ASIC2: variants seen among roughly 807,000 people sequenced by gnomAD.
The protein encoded by ASIC2 is acid sensing ion channel subunit 2.
In ASIC2, 25 loss-of-function variants were observed where a neutral mutation model predicts 57.3. The observed-to-expected ratio is 0.44, with a 90% CI of 0.32 to 0.61. The LOEUF (loss-of-function observed/expected upper bound fraction) is 0.61. Among genes scored for constraint, ASIC2 ranks in the 20% least tolerant of loss-of-function variants. ASIC2 has a pLI of 0.06. For missense variants in ASIC2, 641 were observed against 738.1 expected, an observed-to-expected ratio of 0.87 and a Z score of 1.52; for synonymous variants, 319 against 307.5, an observed-to-expected ratio of 1.04 and a Z score of -0.39.
In ASIC2 at chr17:33,111,974, G is replaced by A. The variant is rs771559356; in HGVS notation, c.802C>T (p.Leu268=). 6.2e-6 allele frequency: 10 copies of A among 1,613,938 alleles called. 1 individual carries two copies. The highest frequency in any genetic ancestry group is 5.3e-5 in the African/African-American group (4 of 74,876). The change falls in exon 2 of 10, where the codon CTG becomes TTG. Residue 268 remains leucine (L), a synonymous_variant. Coordinates refer to ENST00000225823, the MANE Select transcript of ASIC2 (RefSeq NM_183377.2). The part of the protein sequence containing the change: ...TTVKGGTGNG[L]EIMLDIQQDE... ...TGCTGAATGTCCAGCATGATCTCCA[G>A]CCCGTTGCCTGTCCCCCCCTTGACC...
intron 1 of ASIC2, among the ~76,000 whole-genome samples, chr17:34,045,439 C>A (rs1315829456): frequency 3.3e-5 from 5 of 152,226 alleles, no homozygotes; most frequent in Non-Finnish European, 7.3e-5. Flanking sequence ...CTTCTACCTG[C>A]TGAGACTATA....
intron 1 of ASIC2, among the ~76,000 whole-genome samples, chr17:33,739,094 G>A (rs955831405): frequency 3.9e-5 from 6 of 152,228 alleles, no homozygotes; most frequent in Non-Finnish European, 8.8e-5. Context: ...CATTCAAAGA[G>A]AAAATTACTT....
At chr17:33,335,506 C>G (rs1387958348) in intron 1 of ASIC2, among the ~76,000 whole-genome samples, 2 of 152,088 alleles carry the variant, frequency 1.3e-5, no homozygotes, top group Non-Finnish European at 2.9e-5. Flanking sequence ...GTTTCAAACC[C>G]AAATACAATG....
chr17:34,072,898 T>C (rs1413138399), intron 1 of ASIC2, among the ~76,000 whole-genome samples: 2 of 152,182 alleles, frequency 1.3e-5, no homozygotes, highest in Non-Finnish European at 2.9e-5. Flanking sequence ...TTAAGAAATG[T>C]TTTTTTAACT....
intron 1 of ASIC2, among the ~76,000 whole-genome samples, chr17:34,075,694 C>A (rs774392718): frequency 3.5e-4 from 53 of 152,134 alleles, no homozygotes; most frequent in Non-Finnish European, 6.3e-4. Context: ...TCCTCCTCTC[C>A]AGCCTTCTTT....
At chr17:33,385,288 C>T (rs1474817143) in intron 1 of ASIC2, among the ~76,000 whole-genome samples, 1 of 152,144 alleles carries the variant, frequency 6.6e-6, no homozygotes, top group East Asian at 1.9e-4. Flanking sequence ...TGGCCTCCCT[C>T]CCCAGCCCCT....
At chr17:33,699,538 A>C (rs1456302441) in intron 1 of ASIC2, among the ~76,000 whole-genome samples, 1 of 152,182 alleles carries the variant, frequency 6.6e-6, no homozygotes, top group Non-Finnish European at 1.5e-5. Flanking sequence ...ATAGCAACAT[A>C]ATATTTATAA....
At chr17:33,844,377 G>A (rs546211697) in intron 1 of ASIC2, among the ~76,000 whole-genome samples, 5 of 152,202 alleles carry the variant, frequency 3.3e-5, no homozygotes, top group Non-Finnish European at 7.3e-5. Context: ...ATGGGATGGA[G>A]TCATAACCTT....
chr17:33,505,350 C>T (rs569134570), intron 1 of ASIC2, among the ~76,000 whole-genome samples: 20 of 152,060 alleles, frequency 1.3e-4, no homozygotes, highest in African/African-American at 4.6e-4. Context: ...CTCTCCTTCA[C>T]CTCTCACACC....
Position 34,156,550 on chromosome 17 carries a change from C to A in ASIC2, c.-18G>T. On this transcript the variant is annotated 5_prime_UTR_variant, in exon 1 of 10. Coordinates refer to the ASIC2 transcript ENST00000359872. This position sits in a 1 kb window ranked among gnomAD's most constrained non-coding sequence, Gnocchi z 4.4. The stretch of plus-strand genomic sequence containing the variant: ...AGGTCCATCGGGACCCCGTGCAGTT[C>A]CGCAACTGGCTTCAGGTTGATCGAA... The A allele has an allele frequency of 1.3e-6, 2 of 1,565,630 alleles. No individual in the cohort carries two copies. Among genetic ancestry groups the A allele is most frequent in the Non-Finnish European group, 1.7e-6 (2 of 1,151,868 alleles).
At chr17:33,794,074 G>A (rs575307976) in intron 1 of ASIC2, 7 of 152,274 alleles carry the variant, frequency 4.6e-5, no homozygotes, top group African/African-American at 1.7e-4. Context: ...GACAGTGAAT[G>A]GTCTATTCAA....
intron 1 of ASIC2, among the ~76,000 whole-genome samples, chr17:33,306,047 T>C (rs563984784): frequency 1.3e-5 from 2 of 152,330 alleles, no homozygotes; most frequent in South Asian, 4.1e-4. Flanking sequence ...GGGAATTTCA[T>C]GGCATTTAAA....
intron 1 of ASIC2, among the ~76,000 whole-genome samples, chr17:33,679,818 AG>A (rs1280504481): frequency 2.6e-5 from 4 of 152,124 alleles, no homozygotes; most frequent in Non-Finnish European, 4.4e-5. Flanking sequence ...TTTGGGGAGC[AG>A]AAAGAAGGTC....
intron 3 of ASIC2, among the ~76,000 whole-genome samples, chr17:33,059,266 G>A (rs968830663): frequency 6.6e-5 from 10 of 152,054 alleles, no homozygotes; most frequent in Admixed American, 6.5e-5. Flanking sequence ...CCATTAACTC[G>A]TCATTTACAT....
chr17:33,853,154 A>G (rs753466683), intron 1 of ASIC2, among the ~76,000 whole-genome samples: 8 of 152,208 alleles, frequency 5.3e-5, no homozygotes, highest in Non-Finnish European at 8.8e-5. Context: ...GTGATGATTG[A>G]GCAGAGATTC....
chr17:33,402,231 C>T (rs1597715472), intron 1 of ASIC2, among the ~76,000 whole-genome samples: 1 of 152,282 alleles, frequency 6.6e-6, no homozygotes, highest in African/African-American at 2.4e-5. Flanking sequence ...TTTTCTTCTA[C>T]TTTATGGTCT....
Position 33,028,354 on chromosome 17 carries a change from G to C in ASIC2, c.1026C>G (p.Ser342=), listed in dbSNP as rs922118751. ...YLPPPWGECR[S]SEMGLDFFPV... ...GAAAAAAGTCGAGGCCCATCTCTGA[G>C]GATCGGCACTCACCCCACGGTGGGG... The change falls in exon 4 of 10, where the codon TCC becomes TCG. Residue 342 remains serine (S), a synonymous_variant. Coordinates refer to ENST00000225823, the MANE Select transcript of ASIC2 (RefSeq NM_183377.2). 1.2e-6 allele frequency: 2 copies of C among 1,614,178 alleles called. No individual in the cohort carries two copies. Among genetic ancestry groups the C allele is most frequent in the Non-Finnish European group, 1.7e-6 (2 of 1,180,032 alleles).
chr17:33,038,461 C>T (rs1403436246), intron 3 of ASIC2, among the ~76,000 whole-genome samples: 1 of 152,106 alleles, frequency 6.6e-6, no homozygotes, highest in African/African-American at 2.4e-5. Flanking sequence ...ATCTGGGCTA[C>T]AGACATGAAT....
At chr17:33,366,534 C>A (rs777605913) in intron 1 of ASIC2, among the ~76,000 whole-genome samples, 13 of 152,196 alleles carry the variant, frequency 8.5e-5, no homozygotes, top group Admixed American at 7.9e-4. Flanking sequence ...CTCCAGGGAG[C>A]CTTCTTTGAC....
Sources: allele counts gnomAD v4.1 joint callset (sites outside exome capture counted in the v4.1 genomes callset), GRCh38; gene constraint gnomAD v4.1.1; non-coding constraint Gnocchi (gnomAD v3.1); transcripts MANE v1.5; gene names NCBI Gene and HGNC (gene_info 2026-07-23, HGNC 2026-07-21).